Variants in PKHD1 observed in about 807,000 individuals in gnomAD.
The protein encoded by PKHD1 is PKHD1 ciliary IPT domain containing fibrocystin/polyductin, also known as fibrocystin.
PKHD1 carries 291 observed loss-of-function variants against 412.0 expected under a neutral mutation model. The observed-to-expected ratio is 0.71, with a 90% CI of 0.64 to 0.78. The LOEUF is 0.78. Among genes scored for constraint, PKHD1 ranks in the 30% least tolerant of loss-of-function variants. PKHD1 has a pLI of 0.00. For missense variants in PKHD1, 4,825 were observed against 4,950.7 expected (o/e 0.97, Z 0.76); for synonymous variants, 1,777 against 1,821.5 (o/e 0.98, Z 0.62).
intron 35 of PKHD1, among the ~76,000 whole-genome samples, chr6:52,008,978 C>T (rs1214221241): frequency 6.6e-6 from 1 of 152,082 alleles, no homozygotes; most frequent in Admixed American, 6.6e-5. Context: ...AAACTGAGGC[C>T]CAGAGAGGCT....
intron 43 of PKHD1, among the ~76,000 whole-genome samples, chr6:51,895,932 TCC>T (rs1266846044): frequency 2.0e-5 from 3 of 152,008 alleles, no homozygotes; most frequent in African/African-American, 7.3e-5. Context: ...ATCGGGTCAC[TCC>T]CACCCGAATA....
intron 36 of PKHD1, among the ~76,000 whole-genome samples, chr6:51,943,433 C>G (rs943416074): frequency 1.3e-5 from 2 of 151,226 alleles, no homozygotes; most frequent in African/African-American, 2.4e-5. Flanking sequence ...TATCTTCTGT[C>G]TAGTCATACT....
At chr6:51,622,651 T>C (rs1429971263) in intron 66 of PKHD1, 1 of 152,214 alleles carries the variant, frequency 6.6e-6, no homozygotes, top group Non-Finnish European at 1.5e-5. Flanking sequence ...TGAGGAGGCA[T>C]AAAAATTAGA....
chr6:51,782,892 G>A (rs769996674), intron 53 of PKHD1, among the ~76,000 whole-genome samples: 5 of 152,062 alleles, frequency 3.3e-5, no homozygotes, highest in Non-Finnish European at 7.4e-5. Flanking sequence ...ATCATCCAAT[G>A]AGCCTTACAG....
At chr6:51,627,679 C>G (rs1031642015) in intron 65 of PKHD1, among the ~76,000 whole-genome samples, 1 of 152,018 alleles carries the variant, frequency 6.6e-6, no homozygotes, top group Non-Finnish European at 1.5e-5. Context: ...CTTCACCCAG[C>G]CTTCTCCATT....
chr6:52,071,207 GT>G (rs1810562686), intron 8 of PKHD1, 137 bp from the exon 9 acceptor site: 1 of 711,590 alleles, frequency 1.4e-6, no homozygotes, highest in Admixed American at 2.0e-5. Context: ...AGTATAATGA[GT>G]TCATTAGGGC....
intron 32 of PKHD1, among the ~76,000 whole-genome samples, chr6:52,023,328 G>A (rs949041135): frequency 5.3e-5 from 8 of 152,024 alleles, no homozygotes; most frequent in African/African-American, 1.9e-4. Flanking sequence ...GCTCCTTCCA[G>A]AATTTTTAAG....
At chr6:51,927,121 T>C (rs1030585522) in intron 37 of PKHD1, among the ~76,000 whole-genome samples, 3 of 152,172 alleles carry the variant, frequency 2.0e-5, no homozygotes, top group Admixed American at 6.6e-5. Context: ...CCTTTCTCCA[T>C]TCTTCCCCTC....
At chr6:51,915,488 T>A (rs1158968988) in intron 37 of PKHD1, among the ~76,000 whole-genome samples, 1 of 152,056 alleles carries the variant, frequency 6.6e-6, no homozygotes, top group Non-Finnish European at 1.5e-5. Flanking sequence ...TTTCACAGTG[T>A]CTAGCATGTA....
At chr6:51,619,973 C>T (rs1766404340) in intron 66 of PKHD1, among the ~76,000 whole-genome samples, 2 of 152,200 alleles carry the variant, frequency 1.3e-5, no homozygotes, top group African/African-American at 4.8e-5. Context: ...ATTATAAAAA[C>T]ATGAATATAA....
At chr6:51,746,105 A>G (rs1785162638) in intron 59 of PKHD1, among the ~76,000 whole-genome samples, 1 of 152,180 alleles carries the variant, frequency 6.6e-6, no homozygotes, top group South Asian at 2.1e-4. Flanking sequence ...TGGCATAAAA[A>G]AATCCTATCT....
chr6:51,717,440 T>C (rs181340317), intron 60 of PKHD1, among the ~76,000 whole-genome samples: 1 of 152,068 alleles, frequency 6.6e-6, no homozygotes, highest in Admixed American at 6.5e-5. Flanking sequence ...ACTGCATATA[T>C]GATGATGGTC....
rs193070859 is a variant in PKHD1 at position 51,956,679 on chromosome 6, G to A, written c.5908+3191C>T. 9.4e-3 allele frequency among the ~76,000 whole-genome samples: 1,428 copies of A among 152,112 alleles called. 29 individuals are homozygous for A. The highest frequency in any genetic ancestry group is 0.032 in the African/African-American group (1,323 of 41,512). On this transcript the variant is annotated intron_variant, in intron 36 of 66. Coordinates refer to ENST00000371117, the MANE Select transcript of PKHD1 (RefSeq NM_138694.4). ...ACATCAAAGGATAAAGAGTCCTGGG[G>A]GGTGGCTGTAATTTTAGAAATGATG...
chr6:52,047,920 G>A (rs1806116770), intron 23 of PKHD1, among the ~76,000 whole-genome samples: 2 of 152,214 alleles, frequency 1.3e-5, no homozygotes, highest in Admixed American at 6.5e-5. Context: ...GTCTTGAGAG[G>A]AAAAATCTGT....
chr6:51,936,626 G>T (rs1398092923), intron 36 of PKHD1, among the ~76,000 whole-genome samples: 1 of 152,126 alleles, frequency 6.6e-6, no homozygotes, highest in South Asian at 2.1e-4. Context: ...CAACTGAATT[G>T]ACCCCTCCTC....
At position 51,807,454 on chromosome 6, in the gene PKHD1, A is replaced by AT. The variant is rs1452565645; in HGVS notation, c.8303-16082_8303-16081insA. The stretch of plus-strand genomic sequence containing the variant: ...CTCTGTCTCAAAAAAAAAAAAAAAA[A>AT]AAAAATATATATATATATATATATA... On this transcript the variant is annotated intron_variant, in intron 52 of 66. Coordinates refer to ENST00000371117, the MANE Select transcript of PKHD1 (RefSeq NM_138694.4). Among the ~76,000 whole-genome samples the AT allele has an allele frequency of 3.1e-3, 152 of 48,874 alleles. 5 individuals carry two copies. The highest frequency in any genetic ancestry group is 3.9e-3 in the African/African-American group (58 of 14,840). 32.1% of individuals were successfully genotyped at this position (48,874 alleles called of 152,430 possible).
intron 60 of PKHD1, among the ~76,000 whole-genome samples, chr6:51,717,805 C>T (rs563536603): frequency 6.6e-6 from 1 of 152,234 alleles, no homozygotes; most frequent in South Asian, 2.1e-4. Flanking sequence ...GTGGAAGGGA[C>T]ACAGGCATGA....
chr6:51,648,976 C>T (rs1581830401), intron 62 of PKHD1, 109 bp downstream of exon 62: 1 of 1,068,420 alleles, frequency 9.4e-7, no homozygotes, highest in Non-Finnish European at 1.4e-6. Flanking sequence ...AAATTGCACC[C>T]AGTGGGCACT....
At chr6:51,689,040 C>CA (rs934901886) in intron 60 of PKHD1, among the ~76,000 whole-genome samples, 21 of 151,744 alleles carry the variant, frequency 1.4e-4, no homozygotes, top group African/African-American at 4.6e-4. Context: ...AGAGATACAA[C>CA]AAAAAAAAGA....
Sources: gnomAD v4.1 joint callset for allele counts (sites outside exome capture counted in the v4.1 genomes callset) on GRCh38, gnomAD v4.1.1 for gene constraint, MANE v1.5 for transcripts, NCBI Gene and HGNC (gene_info 2026-07-23, HGNC 2026-07-21) for gene names.